The following HAUS5 variants were observed in gnomAD, a reference collection of about 807,000 sequenced individuals.
HAUS5 encodes the protein HAUS augmin like complex subunit 5.
HAUS5 carries 67 observed loss-of-function variants against 94.1 expected under a neutral mutation model. The observed-to-expected ratio is 0.71, with a 90% confidence interval of 0.58 to 0.87. HAUS5 has a LOEUF of 0.87. HAUS5 is among the 40% of genes least tolerant of loss of function. The pLI is 0.00. For synonymous variants in HAUS5, 339 were observed against 355.4 expected, an observed-to-expected ratio of 0.95 and a Z score of 0.52; for missense variants, 739 against 825.6, an observed-to-expected ratio of 0.90 and a Z score of 1.29.
chr19:35,617,422 G>T, intron 8 of HAUS5, 53 bp downstream of exon 8: 1 of 1,201,210 alleles, frequency 8.3e-7, no homozygotes. Flanking sequence ...TTTTAAGTGG[G>T]GGTCTCTTAT....
In HAUS5 at chr19:35,623,030, G is replaced by A. The variant is rs771284258; in HGVS notation, c.*37G>A. On this transcript the variant is annotated 3_prime_UTR_variant, in exon 19 of 19. Coordinates refer to ENST00000203166, the MANE Select transcript of HAUS5 (RefSeq NM_015302.2). ...AAACGGAAGCCGAGAACTTGACACT[G>A]TTCACCCCAACACCTCACCTCCCCC... The A allele has an allele frequency of 1.5e-6, 2 of 1,358,476 alleles. No homozygotes were observed. The highest frequency in any genetic ancestry group is 2.1e-6 in the Non-Finnish European group (2 of 959,364). 84.2% of individuals were successfully genotyped at this position (1,358,476 alleles called of 1,614,324 possible). A position where few individuals can be genotyped will look rare whatever the true frequency, so the allele number is the denominator to read the frequency against.
rs202032887 is a variant in HAUS5 at position 35,615,046 on chromosome 19, G to T, written c.224G>T (p.Arg75Leu). The change falls in exon 5 of 19, where the codon CGT becomes CTT. Residue 75 changes from arginine to leucine, a missense_variant. Arg to Leu is a moderately radical substitution (Grantham distance 102). Transcript: ENST00000203166. ...WYGHQDSPQV[R>L]RKLELEAAVT... Reference sequence around the variant, plus strand: ...CCCTGAATCTGATCCTCCCAGGTCCGTCGGAAGTTAGAGCTGGAAGCTGCT... The same window carrying T: ...CCCTGAATCTGATCCTCCCAGGTCCTTCGGAAGTTAGAGCTGGAAGCTGCT... The T allele has an allele frequency of 1.9e-6, 3 of 1,588,738 alleles. No homozygotes were observed. The highest frequency in any genetic ancestry group is 1.1e-5 in the South Asian group (1 of 87,476).
intron 6 of HAUS5, among the ~76,000 whole-genome samples, chr19:35,616,154 TA>T (rs1361071159): frequency 6.6e-6 from 1 of 151,896 alleles, no homozygotes. Context: ...CCGTCCCTAC[TA>T]AAAAATACAA....
intron 10 of HAUS5, 97 bp downstream of exon 10, chr19:35,618,292 T>C: frequency 6.2e-7 from 1 of 1,600,912 alleles, no homozygotes; most frequent in Non-Finnish European, 8.5e-7. Flanking sequence ...GCTGATGGGG[T>C]AGAACTGAAA....
chr19:35,617,870 C>G lies in HAUS5; in HGVS notation c.654C>G (p.Asp218Glu). The G allele has an allele frequency of 6.2e-7, 1 of 1,614,014 alleles. No individual in the cohort carries two copies. Among genetic ancestry groups the G allele is most frequent in the Non-Finnish European group, 8.5e-7 (1 of 1,179,938 alleles). ...AACCCCACAGAACCCCTCATGATGACCACTTTGGCACTTCGTACCAGCAGT... is the reference window on the plus strand; with the variant it reads ...AACCCCACAGAACCCCTCATGATGAGCACTTTGGCACTTCGTACCAGCAGT... ...KRGSLPTPHD[D>E]HFGTSYQQWL... Residue 218 changes from aspartate to glutamate, a missense_variant, in exon 9 of 19, where the codon GAC becomes GAG. Coordinates refer to ENST00000203166, the MANE Select transcript of HAUS5 (RefSeq NM_015302.2).
At chr19:35,618,535 C>T in intron 11 of HAUS5, 34 bp from the exon 12 acceptor site, 1 of 1,612,640 alleles carries the variant, frequency 6.2e-7, no homozygotes, top group African/African-American at 1.3e-5. Flanking sequence ...GGATCATGCC[C>T]TGGGTGTACC....
At chr19:35,617,803 G>A (rs2071958004) in intron 8 of HAUS5, 52 bp from the exon 9 acceptor site, 1 of 1,491,570 alleles carries the variant, frequency 6.7e-7, no homozygotes, top group African/African-American at 1.4e-5. Flanking sequence ...GATAACTAGA[G>A]GATAATTGAC....
intron 13 of HAUS5, 138 bp downstream of exon 13, chr19:35,619,187 G>A: frequency 1.1e-6 from 1 of 921,908 alleles, no homozygotes; most frequent in Non-Finnish European, 1.6e-6. Context: ...GGGAGGATCT[G>A]AGCCCAGGAG....
chr19:35,615,163 A>G lies in HAUS5; in HGVS notation c.325+16A>G, dbSNP rs2071930749. 6.2e-7 allele frequency: 1 copy of G among 1,611,226 alleles called. No homozygotes were observed. The highest frequency in any genetic ancestry group is 8.5e-7 in the Non-Finnish European group (1 of 1,178,556). On this transcript the variant is annotated intron_variant, in intron 5 of 18. Transcript: ENST00000203166. ...GAGGCTCAGGGTGAGCCATGGGGCCAGAAGATGGGCACCAGAATGTGGGGC... is the reference window on the plus strand; with the variant it reads ...GAGGCTCAGGGTGAGCCATGGGGCCGGAAGATGGGCACCAGAATGTGGGGC...
intron 4 of HAUS5, chr19:35,614,309 G>C: frequency 1.8e-6 from 1 of 565,970 alleles, no homozygotes; most frequent in Non-Finnish European, 3.2e-6. Context: ...GAGATCACCT[G>C]AGGGCTCCAG....
Position 35,623,153 on chromosome 19 carries a change from C to A in HAUS5, c.*160C>A. On this transcript the variant is annotated 3_prime_UTR_variant, in exon 19 of 19. Transcript: ENST00000203166. ...TGCTGTTCTGCTGCCCCACTCAGCT[C>A]CTGGACCCTGTCCTTTCATCCCGCT... The A allele has an allele frequency of 1.6e-6, 1 of 608,252 alleles. No individual in the cohort carries two copies. The highest frequency in any genetic ancestry group is 2.0e-5 in the South Asian group (1 of 51,112). 37.7% of individuals were successfully genotyped at this position (608,252 alleles called of 1,614,324 possible).
chr19:35,618,161 A>G lies in HAUS5; in HGVS notation c.787A>G (p.Ser263Gly), dbSNP rs374601138. Residue 263 changes from serine (S) to glycine (G), a missense_variant, in exon 10 of 19, where the codon AGT becomes GGT. By Grantham distance (56) the Ser-to-Gly change is moderately conservative (BLOSUM62 0). Transcript: ENST00000203166. ...EREAEIRSLC[S>G]GDGLGDTEIS... is the part of the protein sequence containing the mutation. The stretch of plus-strand genomic sequence containing the variant: ...GGAGGCAGAGATTCGGTCCCTGTGC[A>G]GTGGGGATGGGCTTGGCGACACAGA... The G allele has an allele frequency of 3.6e-5, 58 of 1,608,596 alleles. No individual in the cohort carries two copies. In the Middle Eastern group the frequency reaches 5.0e-4, roughly 14 times the overall value.
chr19:35,612,974 C>T (rs2071908709), intron 1 of HAUS5, 82 bp downstream of exon 1: 3 of 972,004 alleles, frequency 3.1e-6, no homozygotes, highest in African/African-American at 1.7e-5. Context: ...TCATTGAGGA[C>T]TCGACTCCCC....
intron 15 of HAUS5, 51 bp downstream of exon 15, chr19:35,619,809 C>T (rs1967178081): frequency 4.6e-6 from 7 of 1,506,236 alleles, no homozygotes; most frequent in Non-Finnish European, 5.3e-6. Context: ...CCATGGGTGA[C>T]TGTCACTCCC....
At chr19:35,620,633 A>T (rs73931235) in intron 17 of HAUS5, among the ~76,000 whole-genome samples, 5,423 of 152,244 alleles carry the variant, frequency 0.036, 316 homozygotes, top group African/African-American at 0.12. Context: ...ACTGCCGTCG[A>T]CTTTCCACGT....
At chr19:35,618,335 T>C in intron 10 of HAUS5, 67 bp from the exon 11 acceptor site, 1 of 1,607,586 alleles carries the variant, frequency 6.2e-7, no homozygotes, top group Non-Finnish European at 8.5e-7. Flanking sequence ...GGACTGATAC[T>C]GTCCACCCTC....
At chr19:35,615,944 G>A (rs1451445081) in intron 6 of HAUS5, among the ~76,000 whole-genome samples, 1 of 152,186 alleles carries the variant, frequency 6.6e-6, no homozygotes, top group Non-Finnish European at 1.5e-5. Context: ...GAGGTCGAAG[G>A]AGTGGACAGA....
intron 6 of HAUS5, 80 bp downstream of exon 6, chr19:35,615,466 T>C: frequency 8.7e-7 from 1 of 1,143,022 alleles, no homozygotes; most frequent in Non-Finnish European, 1.2e-6. Context: ...CCCTGATCCC[T>C]TCTTGGGTTC....
intron 1 of HAUS5, 47 bp from the exon 2 acceptor site, chr19:35,613,683 C>A: frequency 6.4e-7 from 1 of 1,560,442 alleles, no homozygotes; most frequent in Admixed American, 1.7e-5. Context: ...GAGGATCCCA[C>A]ACCCTGTGTG....
Sources: allele counts gnomAD v4.1 joint callset (sites outside exome capture counted in the v4.1 genomes callset), GRCh38; gene constraint gnomAD v4.1.1; transcripts MANE v1.5; gene names NCBI Gene and HGNC (gene_info 2026-07-23, HGNC 2026-07-21).